The following TSC2 variants were observed in gnomAD, a reference collection of about 807,000 sequenced individuals.
TSC2 encodes tuberin.
Under a neutral mutation model 202.2 loss-of-function variants are expected in TSC2, and 29 were observed. That is an observed-to-expected ratio of 0.14 (90% CI 0.11 to 0.20). The LOEUF (loss-of-function observed/expected upper bound fraction) is 0.20. TSC2 is among the 10% of genes least tolerant of loss of function. The pLI, the probability that TSC2 is intolerant of heterozygous loss-of-function variation, is 1.00. For synonymous variants in TSC2, 1,349 were observed against 1,044.0 expected (o/e 1.29, Z -5.63); for missense variants, 2,429 against 2,420.0 (o/e 1.00, Z -0.08).
intron 30 of TSC2, 160 bp from the exon 31 acceptor site, chr16:2,081,435 G>A: frequency 2.2e-6 from 2 of 928,424 alleles, no homozygotes; most frequent in East Asian, 5.2e-5. Context: ...AGCAGGGTGG[G>A]TGGCCGTCAG....
intron 3 of TSC2, among the ~76,000 whole-genome samples, chr16:2,050,777 C>CCA (rs2085016037): frequency 6.6e-6 from 1 of 151,652 alleles, no homozygotes; most frequent in Non-Finnish European, 1.5e-5. Flanking sequence ...TTAGTAGAGA[C>CCA]GGGGTTTCGC....
chr16:2,085,355 C>G (rs1011122862), intron 36 of TSC2, 33 bp downstream of exon 36: 1 of 1,610,164 alleles, frequency 6.2e-7, no homozygotes, highest in South Asian at 1.1e-5. Flanking sequence ...GGTGCCTGGA[C>G]AGGGCCAGCT....
At chr16:2,071,698 AG>A in intron 18 of TSC2, 82 bp downstream of exon 18, 1 of 1,599,954 alleles carries the variant, frequency 6.3e-7, no homozygotes, top group Non-Finnish European at 8.5e-7. Flanking sequence ...TGCATGTCTG[AG>A]GGATGTCCCA....
chr16:2,067,512 CG>C (rs2087559780), intron 16 of TSC2, among the ~76,000 whole-genome samples: 2 of 150,798 alleles, frequency 1.3e-5, no homozygotes, highest in African/African-American at 4.9e-5. Flanking sequence ...GGCTCATGCC[CG>C]TAATCCCAGC....
Position 2,088,939 on chromosome 16 carries a change from G to A in TSC2, c.*329G>A. 6 of 373,964 alleles carry A rather than the reference G, an allele frequency of 1.6e-5. No individual in the cohort carries two copies. In the South Asian group the frequency reaches 1.6e-4, roughly 10 times the overall value. The allele number at this position is 373,964 out of a possible 1,614,324, so 23.2% of individuals were successfully genotyped here. A position where few individuals can be genotyped will look rare whatever the true frequency, so the allele number is the denominator to read the frequency against. ...CCCTGGGAGCCAGCCCCCAGGAGGA[G>A]TCTTTTCCTCTAACCACCCTGGGGT... is the stretch of plus-strand genomic sequence containing the variant. On this transcript the variant is annotated 3_prime_UTR_variant, in exon 42 of 42. Coordinates refer to ENST00000219476, the MANE Select transcript of TSC2 (RefSeq NM_000548.5).
chr16:2,055,321 C>T, intron 5 of TSC2, 81 bp from the exon 6 acceptor site: 1 of 1,102,968 alleles, frequency 9.1e-7, no homozygotes, highest in African/African-American at 1.5e-5. Context: ...GGTTTGGACA[C>T]ACTGTCCTGC....
At chr16:2,071,453 G>A (rs1037801565) in intron 17 of TSC2, 57 bp from the exon 18 acceptor site, 191 of 1,597,388 alleles carry the variant, frequency 1.2e-4, no homozygotes, top group Admixed American at 5.6e-4. Flanking sequence ...GTGGGACGCC[G>A]CCTGTCCTGG....
In TSC2 at chr16:2,048,859, A is replaced by G. The variant is rs964721421; in HGVS notation, c.138+106A>G. On this transcript the variant is annotated intron_variant, in intron 2 of 41. Transcript: ENST00000219476. ...GGAGACGGGTTGCTGGCAACTGTCT[A>G]CACAGGAATGCTGTCTCCAGTACTT... The G allele has an allele frequency of 4.7e-6, 7 of 1,501,714 alleles. No homozygotes were observed. In the East Asian group the frequency reaches 1.1e-4, roughly 24 times the overall value. The allele number at this position is 1,501,714 out of a possible 1,614,324, so 93.0% of individuals were successfully genotyped here.
At chr16:2,066,774 C>T (rs2087432899) in intron 16 of TSC2, among the ~76,000 whole-genome samples, 2 of 149,624 alleles carry the variant, frequency 1.3e-5, no homozygotes, top group Admixed American at 1.4e-4. Context: ...GATTCTCCTA[C>T]CTCAGCCTCC....
intron 2 of TSC2, among the ~76,000 whole-genome samples, chr16:2,049,785 C>T (rs1435566399): frequency 6.6e-6 from 1 of 151,698 alleles, no homozygotes; most frequent in Non-Finnish European, 1.5e-5. Flanking sequence ...GATCGCGCCA[C>T]TGCACTCCAT....
intron 26 of TSC2, 124 bp from the exon 27 acceptor site, chr16:2,078,908 C>A: frequency 7.5e-7 from 1 of 1,332,138 alleles, no homozygotes; most frequent in Non-Finnish European, 1.1e-6. Context: ...GCCGCCCACG[C>A]CCTGTTGGGG....
chr16:2,062,415 C>A, intron 12 of TSC2, 82 bp from the exon 13 acceptor site: 1 of 1,379,494 alleles, frequency 7.2e-7, no homozygotes, highest in Non-Finnish European at 1.0e-6. Flanking sequence ...TGACAGCAAA[C>A]CAGCCTCTCG....
At chr16:2,062,199 C>T (rs2086726279) in intron 12 of TSC2, among the ~76,000 whole-genome samples, 191 bp downstream of exon 12, 1 of 152,238 alleles carries the variant, frequency 6.6e-6, no homozygotes, top group Non-Finnish European at 1.5e-5. Context: ...GGCTAGCCCA[C>T]CCATCAGTTT....
rs766295684 is a variant in TSC2 at position 2,088,613 on chromosome 16, C to T, written c.*3C>T. The T allele has an allele frequency of 2.2e-5, 35 of 1,600,542 alleles. No homozygotes were observed. Among genetic ancestry groups the T allele is most frequent in the Non-Finnish European group, 2.9e-5 (34 of 1,179,196 alleles). ...AGGACTTCACCGAGTTTGTGTGAGG[C>T]CGGGGCCCTCCCTCCTGCACTGGCC... is the stretch of plus-strand genomic sequence containing the variant. On this transcript the variant is annotated 3_prime_UTR_variant, in exon 42 of 42. Coordinates refer to ENST00000219476, the MANE Select transcript of TSC2 (RefSeq NM_000548.5).
rs376427418 is a variant in TSC2 at position 2,071,472 on chromosome 16, G to A, written c.1840-38G>A. On this transcript the variant is annotated intron_variant, in intron 17 of 41. Coordinates refer to ENST00000219476, the MANE Select transcript of TSC2 (RefSeq NM_000548.5). ...GACGCCGCCTGTCCTGGGCCTGCAC[G>A]AGCTTGGCTCTGGCTTTCACCATCC... 293 of 1,611,008 alleles carry A rather than the reference G, an allele frequency of 1.8e-4. No homozygotes were observed. The African/African-American group carries it at 2.5e-3, about 14-fold the overall frequency.
Position 2,070,588 on chromosome 16 carries a change from C to G in TSC2, c.1839+10C>G, listed in dbSNP as rs868388786. 1 of 1,612,958 alleles carries G rather than the reference C, an allele frequency of 6.2e-7. No homozygotes were observed. Among genetic ancestry groups the G allele is most frequent in the Non-Finnish European group, 8.5e-7 (1 of 1,179,994 alleles). ...CAGCATCCGGCTGCAGGTATGGTGGCTGGGGTTGCGCAGCCAGTTCCTGGG... is the reference window on the plus strand; with the variant it reads ...CAGCATCCGGCTGCAGGTATGGTGGGTGGGGTTGCGCAGCCAGTTCCTGGG... On this transcript the variant is annotated intron_variant, in intron 17 of 41. Transcript: ENST00000219476.
intron 13 of TSC2, 28 bp from the exon 14 acceptor site, chr16:2,062,944 C>T (rs2151169788): frequency 6.5e-7 from 1 of 1,546,980 alleles, no homozygotes; most frequent in Non-Finnish European, 8.7e-7. Context: ...GCACTCCCCA[C>T]CCGCCCCAGC....
chr16:2,084,830 G>A, intron 34 of TSC2, 115 bp downstream of exon 34: 3 of 1,599,664 alleles, frequency 1.9e-6, no homozygotes, highest in Admixed American at 3.3e-5. Flanking sequence ...CCCTAGGGCT[G>A]GCTGGAACCC....
At chr16:2,082,157 C>T in intron 31 of TSC2, 2 of 594,100 alleles carry the variant, frequency 3.4e-6, no homozygotes, top group Non-Finnish European at 6.0e-6. Flanking sequence ...TGGGCCCCCA[C>T]CCCACTCGGC....
Sources: gnomAD v4.1 joint callset for allele counts (sites outside exome capture counted in the v4.1 genomes callset) on GRCh38, gnomAD v4.1.1 for gene constraint, MANE v1.5 for transcripts, NCBI Gene and HGNC (gene_info 2026-07-23, HGNC 2026-07-21) for gene names.